Variants in SIRPB2 observed in about 807,000 individuals in gnomAD.
The protein encoded by SIRPB2 is signal-regulatory protein beta-2.
In SIRPB2, 18 loss-of-function variants were observed where a neutral mutation model predicts 27.1. That is an observed-to-expected ratio of 0.66 (90% CI 0.46 to 0.98). The LOEUF (loss-of-function observed/expected upper bound fraction) is 0.98, where lower values mean the gene tolerates loss of function less well. Among genes scored for constraint, SIRPB2 ranks in the 50% least tolerant of loss-of-function variants. The probability of loss-of-function intolerance (pLI) is 0.00; values close to 1 mark genes in which losing one functional copy is unlikely to be tolerated. For synonymous variants in SIRPB2, 150 were observed against 164.6 expected (o/e 0.91, Z 0.68); for missense variants, 420 against 417.4 (o/e 1.01, Z -0.06).
At chr20:1,482,603 T>C (rs7362317) in intron 1 of SIRPB2, among the ~76,000 whole-genome samples, 1 of 137,222 alleles carries the variant, frequency 7.3e-6, no homozygotes, top group South Asian at 2.8e-4. Context: ...CCCTTCCTTC[T>C]TTCCTTCTTT....
At chr20:1,474,195 A>C (rs1055066937), downstream of SIRPB2, among the ~76,000 whole-genome samples, 8 of 152,132 alleles carry the variant, frequency 5.3e-5, no homozygotes, top group Non-Finnish European at 8.8e-5. Flanking sequence ...TCTTAATTTA[A>C]TCACACCTGT....
downstream of SIRPB2, among the ~76,000 whole-genome samples, chr20:1,471,377 G>T (rs2090580854): frequency 6.6e-6 from 1 of 152,146 alleles, no homozygotes; most frequent in African/African-American, 2.4e-5. Flanking sequence ...AACAACTAAG[G>T]TCTCCATCCA....
intron 1 of SIRPB2, among the ~76,000 whole-genome samples, chr20:1,481,469 T>A (rs1185597335): frequency 6.6e-6 from 1 of 152,236 alleles, no homozygotes; most frequent in African/African-American, 2.4e-5. Context: ...AGCAGCTTTG[T>A]ACCCCGAGTT....
Position 1,478,181 on chromosome 20 carries a change from G to A in SIRPB2, c.793+85C>T, listed in dbSNP as rs1020259329. 4.0e-6 allele frequency: 5 copies of A among 1,261,892 alleles called. No individual in the cohort carries two copies. The African/African-American group carries it at 7.4e-5, about 19-fold the overall frequency. 78.2% of individuals were successfully genotyped at this position (1,261,892 alleles called of 1,614,324 possible). ...TATGTAAAGACATGGAGGCTGTGAA[G>A]AACTGGCTTGTTCGGGACATGTAGA... is the stretch of plus-strand genomic sequence containing the variant. On this transcript the variant is annotated intron_variant, in intron 3 of 4. Coordinates refer to ENST00000359801, the MANE Select transcript of SIRPB2 (RefSeq NM_001122962.2).
downstream of SIRPB2, among the ~76,000 whole-genome samples, chr20:1,474,287 G>A (rs902591845): frequency 5.9e-5 from 9 of 152,144 alleles, no homozygotes; most frequent in African/African-American, 1.7e-4. Context: ...TTAGGACATG[G>A]ATATCTTTGG....
intron 2 of SIRPB2, chr20:1,479,355 C>A (rs2090642428): frequency 3.2e-6 from 1 of 314,564 alleles, no homozygotes; most frequent in Non-Finnish European, 6.0e-6. Context: ...TGTCCCTTGA[C>A]TTGGAGCTGA....
At chr20:1,471,416 A>G (rs920931849), downstream of SIRPB2, among the ~76,000 whole-genome samples, 7 of 152,262 alleles carry the variant, frequency 4.6e-5, no homozygotes, top group African/African-American at 1.7e-4. Context: ...GTAATATGTT[A>G]ATACAATGGA....
downstream of SIRPB2, chr20:1,473,212 C>T (rs1462098276): frequency 1.3e-5 from 2 of 152,328 alleles, no homozygotes; most frequent in African/African-American, 4.8e-5. Context: ...TGATTAGGGC[C>T]TGGCACAGAG....
chr20:1,476,247 T>C lies in SIRPB2; in HGVS notation c.949A>G (p.Ser317Gly), dbSNP rs746330775. 26 of 1,613,592 alleles carry C rather than the reference T, an allele frequency of 1.6e-5. No homozygotes were observed. In the South Asian group the frequency reaches 2.7e-4, roughly 17 times the overall value. ...GTCTTGACATCTTCTTGCCCAGGGC[T>C]CCTCCGAGAGGTAGCCAGGGCCAGT... The part of the protein sequence containing the change: ...LLLALATSRR[S>G]PGQEDVKTTG... The change falls in exon 5 of 5, where the codon AGC (serine) becomes GGC (glycine). Residue 317 changes from serine to glycine, a missense_variant. Transcript: ENST00000359801.
At chr20:1,485,635 C>CAT (rs1362909861) in intron 1 of SIRPB2, among the ~76,000 whole-genome samples, 1 of 137,134 alleles carries the variant, frequency 7.3e-6, no homozygotes, top group African/African-American at 3.0e-5. Flanking sequence ...CAGTAGAACA[C>CAT]ACACACACAC....
intron 2 of SIRPB2, among the ~76,000 whole-genome samples, chr20:1,478,892 G>C (rs2090637613): frequency 6.6e-6 from 1 of 152,198 alleles, no homozygotes; most frequent in African/African-American, 2.4e-5. Flanking sequence ...AAATTGCCCA[G>C]AGGCGGAAAC....
intron 1 of SIRPB2, among the ~76,000 whole-genome samples, chr20:1,489,033 A>G (rs980744221): frequency 5.3e-5 from 8 of 152,262 alleles, no homozygotes; most frequent in African/African-American, 1.7e-4. Flanking sequence ...AGAAGAAATG[A>G]ACTATTGACA....
chr20:1,480,659 C>T (rs1035261968), intron 1 of SIRPB2, among the ~76,000 whole-genome samples: 15 of 152,138 alleles, frequency 9.9e-5, no homozygotes, highest in Admixed American at 8.5e-4. Context: ...CGTCTATAGG[C>T]TGAGGAGAGG....
chr20:1,486,943 A>G (rs903913021), intron 1 of SIRPB2, among the ~76,000 whole-genome samples: 1 of 152,232 alleles, frequency 6.6e-6, no homozygotes, highest in African/African-American at 2.4e-5. Context: ...GCCTGTTTTT[A>G]CTATTTCTAT....
At chr20:1,477,097 C>G in intron 4 of SIRPB2, 1 of 1,480,746 alleles carries the variant, frequency 6.8e-7, no homozygotes, top group Non-Finnish European at 9.0e-7. Context: ...CACCACCTCT[C>G]AAACAACATT....
rs2090597955 is a variant in SIRPB2 at position 1,475,400 on chromosome 20, A to G, written c.*767T>C. The G allele has an allele frequency of 6.6e-6, 1 of 152,218 alleles. No homozygotes were observed. The highest frequency in any genetic ancestry group is 1.5e-5 in the Non-Finnish European group (1 of 68,062). 9.4% of individuals were successfully genotyped at this position (152,218 alleles called of 1,614,324 possible). A position where few individuals can be genotyped will look rare whatever the true frequency, so the allele number is the denominator to read the frequency against. On this transcript the variant is annotated 3_prime_UTR_variant, in exon 5 of 5. Transcript: ENST00000359801. ...CCAGTGTTTCTTGCAGCTAGGTGTG[A>G]CCATGTGACCACATTCCAGCCAAGT...
intron 2 of SIRPB2, chr20:1,479,243 G>A: frequency 5.5e-6 from 1 of 180,924 alleles, no homozygotes; most frequent in East Asian, 1.4e-4. Context: ...TACTTGGGGA[G>A]TGTGGTAGAT....
chr20:1,477,830 C>A (rs1429258499), intron 3 of SIRPB2, among the ~76,000 whole-genome samples: 1 of 152,182 alleles, frequency 6.6e-6, no homozygotes, highest in Non-Finnish European at 1.5e-5. Flanking sequence ...CATGCACCAC[C>A]ACGCCTGACT....
At chr20:1,489,719 T>A (rs570775168) in intron 1 of SIRPB2, among the ~76,000 whole-genome samples, 1 of 152,208 alleles carries the variant, frequency 6.6e-6, no homozygotes, top group East Asian at 1.9e-4. Context: ...TTAAAAGCCT[T>A]ATAGAAAATG....
Sources: gnomAD v4.1 joint callset for allele counts (sites outside exome capture counted in the v4.1 genomes callset) on GRCh38, gnomAD v4.1.1 for gene constraint, MANE v1.5 for transcripts, NCBI Gene and HGNC (gene_info 2026-07-23, HGNC 2026-07-21) for gene names.